ARAP2: variants seen among roughly 807,000 people sequenced by gnomAD.
ARAP2 encodes ArfGAP with RhoGAP domain, ankyrin repeat and PH domain 2, also known as arf-GAP with Rho-GAP domain, ANK repeat and PH domain-containing protein 2.
In ARAP2, 148 loss-of-function variants were observed where a neutral mutation model predicts 194.5. The observed-to-expected ratio is 0.76, with a 90% CI of 0.67 to 0.87. The LOEUF (loss-of-function observed/expected upper bound fraction) is 0.87, where lower values mean the gene tolerates loss of function less well. Among genes scored for constraint, ARAP2 ranks in the 40% least tolerant of loss-of-function variants. ARAP2 has a pLI of 0.00. For missense variants in ARAP2, 2,128 were observed against 1,989.7 expected (o/e 1.07, Z -1.32); for synonymous variants, 695 against 683.5 (o/e 1.02, Z -0.26).
chr4:36,105,995 C>T (rs534058698), intron 27 of ARAP2, among the ~76,000 whole-genome samples: 2 of 151,994 alleles, frequency 1.3e-5, no homozygotes, highest in East Asian at 1.9e-4. Flanking sequence ...AGAATTAGAA[C>T]AGATATCACA....
At chr4:36,185,839 G>A (rs1162225004) in intron 8 of ARAP2, among the ~76,000 whole-genome samples, 1 of 151,468 alleles carries the variant, frequency 6.6e-6, no homozygotes, top group African/African-American at 2.4e-5. Context: ...TTAGCTGGGC[G>A]TGGTGATGCA....
chr4:36,029,046 G>A (rs1718460232), intron 5 of ARAP2, among the ~76,000 whole-genome samples: 2 of 151,904 alleles, frequency 1.3e-5, no homozygotes, highest in African/African-American at 4.8e-5. Flanking sequence ...TGCTTGAGAG[G>A]AAGCTGTATT....
At chr4:36,238,799 CATCT>C (rs1752926091) in intron 1 of ARAP2, among the ~76,000 whole-genome samples, 1 of 152,130 alleles carries the variant, frequency 6.6e-6, no homozygotes, top group Non-Finnish European at 1.5e-5. Flanking sequence ...ATTTATTTTG[CATCT>C]ATCACTGCAG....
In ARAP2 at chr4:36,165,050, T is replaced by C. The variant is rs1261551704; in HGVS notation, c.2037A>G (p.Ala679=). The stretch of plus-strand genomic sequence containing the variant: ...CTACTTCATAATCAGAGAGAGTTTC[T>C]GCTATTGATTGCTGCACAGCTTCAA... ...DWIEAVQQSI[A]ETLSDYEVAE... Residue 679 remains alanine (A), a synonymous_variant, in exon 11 of 33, where the codon GCA becomes GCG. Transcript: ENST00000303965. 1 of 1,613,984 alleles carries C rather than the reference T, an allele frequency of 6.2e-7. No individual in the cohort carries two copies. Among genetic ancestry groups the C allele is most frequent in the Non-Finnish European group, 8.5e-7 (1 of 1,179,946 alleles).
At chr4:36,141,194 C>A (rs1425995902) in intron 19 of ARAP2, among the ~76,000 whole-genome samples, 1 of 151,592 alleles carries the variant, frequency 6.6e-6, no homozygotes, top group Non-Finnish European at 1.5e-5. Flanking sequence ...TTCTGCCTTC[C>A]TGGTCTAGAA....
In ARAP2 at chr4:36,104,256, C is replaced by T. The variant is rs557384361; in HGVS notation, c.4285+3309G>A. Among the ~76,000 whole-genome samples, 5 of 151,896 alleles carry T rather than the reference C, an allele frequency of 3.3e-5. No homozygotes were observed. In the East Asian group the frequency reaches 9.7e-4, roughly 30 times the overall value. ...TGGCCCCAGGTTAGAATAAGAAATT[C>T]TTAAGAAAGGAAAATAAATCTTTAA... On this transcript the variant is annotated intron_variant, in intron 27 of 32. Coordinates refer to ENST00000303965, the MANE Select transcript of ARAP2 (RefSeq NM_015230.4).
chr4:36,187,391 T>C (rs1238273732), intron 8 of ARAP2, 60 bp downstream of exon 8: 2 of 968,070 alleles, frequency 2.1e-6, no homozygotes, highest in Admixed American at 6.8e-5. Context: ...GTCTAACTGG[T>C]TTATTAATAT....
intron 5 of ARAP2, among the ~76,000 whole-genome samples, chr4:36,043,864 G>C (rs1268743921): frequency 9.2e-6 from 1 of 108,462 alleles, no homozygotes; most frequent in African/African-American, 3.5e-5. Context: ...AGGGGGGAGG[G>C]GAAGGGAAGG....
intron 32 of ARAP2, among the ~76,000 whole-genome samples, chr4:36,071,702 CT>C (rs1350204729): frequency 2.8e-5 from 3 of 108,976 alleles, no homozygotes; most frequent in East Asian, 2.7e-4. Flanking sequence ...AATTTTTTTT[CT>C]TTTTTTTTTA....
At chr4:36,014,477 G>A (rs1006137898) in intron 8 of ARAP2, among the ~76,000 whole-genome samples, 22 of 152,086 alleles carry the variant, frequency 1.4e-4, no homozygotes, top group Non-Finnish European at 2.5e-4. Context: ...GTAATGAAAA[G>A]AAGAGCCACA....
chr4:36,221,314 A>ATG (rs981905181), intron 2 of ARAP2, among the ~76,000 whole-genome samples: 2 of 152,238 alleles, frequency 1.3e-5, no homozygotes, highest in African/African-American at 4.8e-5. Context: ...GGACTCATGC[A>ATG]TGTGTATACA....
At chr4:36,210,829 A>G in intron 5 of ARAP2, 86 bp from the exon 6 acceptor site, 1 of 1,009,728 alleles carries the variant, frequency 9.9e-7, no homozygotes, top group Middle Eastern at 3.2e-4. Context: ...TAAATAACTA[A>G]TAACAGAAAC....
At chr4:36,070,310 A>G (rs1475124104) in intron 32 of ARAP2, among the ~76,000 whole-genome samples, 1 of 152,220 alleles carries the variant, frequency 6.6e-6, no homozygotes, top group Non-Finnish European at 1.5e-5. Flanking sequence ...AGCCAAGTGC[A>G]TAGACAATGG....
intron 31 of ARAP2, among the ~76,000 whole-genome samples, chr4:36,077,059 A>C (rs1043484202): frequency 1.3e-5 from 2 of 152,240 alleles, no homozygotes; most frequent in Non-Finnish European, 2.9e-5. Context: ...GCCATCTTCT[A>C]ACAAAAAGCA....
chr4:36,053,168 G>A (rs34647188), intron 2 of ARAP2, among the ~76,000 whole-genome samples: 62,849 of 151,476 alleles, frequency 0.41, 14,016 homozygotes, highest in East Asian at 0.51. Context: ...CACCACGCCT[G>A]GATAATTTTT....
chr4:36,189,674 T>C (rs1221951145), intron 7 of ARAP2, among the ~76,000 whole-genome samples: 1 of 152,186 alleles, frequency 6.6e-6, no homozygotes, highest in African/African-American at 2.4e-5. Flanking sequence ...TAACTTTCTG[T>C]TCCTGCCGTA....
intron 6 of ARAP2, among the ~76,000 whole-genome samples, chr4:36,200,304 G>A (rs972264889): frequency 9.3e-5 from 14 of 151,162 alleles, no homozygotes; most frequent in African/African-American, 3.4e-4. Flanking sequence ...TGCCCAGGCT[G>A]GAGTGCAATG....
intron 4 of ARAP2, chr4:36,046,160 T>C (rs1204215298): frequency 2.0e-5 from 3 of 152,362 alleles, no homozygotes; most frequent in African/African-American, 7.2e-5. Context: ...AGCCTATAGG[T>C]AAGTGAGCTC....
chr4:36,131,248 C>A lies in ARAP2; in HGVS notation c.3427+1978G>T, dbSNP rs188204446. 1.7e-3 allele frequency among the ~76,000 whole-genome samples: 253 copies of A among 151,400 alleles called. 1 individual carries two copies. The highest frequency in any genetic ancestry group is 5.6e-3 in the African/African-American group (230 of 41,384). The stretch of plus-strand genomic sequence containing the variant: ...TAAATATATATATGATATAAACATA[C>A]TATCATAGCAGGAAGCTTCTTATAG... On this transcript the variant is annotated intron_variant, in intron 20 of 32. Coordinates refer to ENST00000303965, the MANE Select transcript of ARAP2 (RefSeq NM_015230.4).
Sources: allele counts gnomAD v4.1 joint callset (sites outside exome capture counted in the v4.1 genomes callset), GRCh38; gene constraint gnomAD v4.1.1; transcripts MANE v1.5; gene names NCBI Gene and HGNC (gene_info 2026-07-23, HGNC 2026-07-21).